KAZN: variants seen among roughly 807,000 people sequenced by gnomAD.
KAZN encodes the protein kazrin.
A neutral mutation model predicts 87.4 loss-of-function variants in KAZN; 40 were observed. The observed-to-expected ratio is 0.46, with a 90% CI of 0.36 to 0.60. The LOEUF is 0.60. Ranked by LOEUF, KAZN falls within the 20% of genes least tolerant of loss-of-function variation. The probability of loss-of-function intolerance (pLI) is 0.00; values close to 1 mark genes in which losing one functional copy is unlikely to be tolerated. For synonymous variants in KAZN, 466 were observed against 458.3 expected (o/e 1.02, Z -0.22); for missense variants, 898 against 1,073.9 (o/e 0.84, Z 2.29).
intron 2 of KAZN, among the ~76,000 whole-genome samples, chr1:14,586,636 C>CCCT (rs1675868283): frequency 6.6e-6 from 1 of 151,004 alleles, no homozygotes; most frequent in South Asian, 2.1e-4. Context: ...ACTCAAGTGA[C>CCCT]CCTCCGGCTT....
At chr1:14,418,324 C>G (rs1665007218) in intron 2 of KAZN, among the ~76,000 whole-genome samples, 1 of 152,162 alleles carries the variant, frequency 6.6e-6, no homozygotes, top group African/African-American at 2.4e-5. Flanking sequence ...CCAGGAAAGT[C>G]TCAAGCCATG....
chr1:14,127,399 GTT>G (rs574276908), intron 1 of KAZN, among the ~76,000 whole-genome samples: 4 of 47,688 alleles, frequency 8.4e-5, no homozygotes, highest in Admixed American at 2.3e-4. Flanking sequence ...CTTTACTGTT[GTT>G]TTTTTTTTTT....
intron 8 of KAZN, among the ~76,000 whole-genome samples, chr1:15,078,208 A>G (rs1639843360): frequency 6.6e-6 from 1 of 152,080 alleles, no homozygotes; most frequent in South Asian, 2.1e-4. Flanking sequence ...TGAGGCTGGG[A>G]GTTCGAGACC....
intron 1 of KAZN, among the ~76,000 whole-genome samples, chr1:14,686,384 C>T (rs1420043918): frequency 6.6e-6 from 1 of 152,206 alleles, no homozygotes; most frequent in African/African-American, 2.4e-5. Context: ...TCTTGAAGAT[C>T]GTACTGGAAT....
intron 1 of KAZN, among the ~76,000 whole-genome samples, chr1:14,822,852 G>A (rs1646775134): frequency 6.6e-6 from 1 of 152,176 alleles, no homozygotes; most frequent in Non-Finnish European, 1.5e-5. Context: ...ATCCTAGAGA[G>A]GGCTGCTTTT....
intron 1 of KAZN, among the ~76,000 whole-genome samples, chr1:14,714,870 C>T (rs1319960093): frequency 2.1e-5 from 3 of 145,672 alleles, no homozygotes; most frequent in South Asian, 2.2e-4. Context: ...TCACAGTTCA[C>T]CGCAGCCTTG....
At chr1:14,925,010 T>C (rs771882921) in intron 1 of KAZN, among the ~76,000 whole-genome samples, 11 of 152,350 alleles carry the variant, frequency 7.2e-5, no homozygotes, top group Non-Finnish European at 1.2e-4. Flanking sequence ...CGAGGCGAAA[T>C]TGATGCCTCG....
intron 2 of KAZN, among the ~76,000 whole-genome samples, chr1:14,450,809 G>A (rs554700578): frequency 8.5e-5 from 13 of 152,220 alleles, no homozygotes; most frequent in Admixed American, 3.9e-4. Context: ...ATATAGTTTG[G>A]ATGTCATCCC....
intron 1 of KAZN, among the ~76,000 whole-genome samples, chr1:13,984,419 C>T (rs1638912976): frequency 6.6e-6 from 1 of 152,168 alleles, no homozygotes; most frequent in African/African-American, 2.4e-5. Flanking sequence ...ATATGTTGTG[C>T]ATTGAAGTGT....
intron 2 of KAZN, among the ~76,000 whole-genome samples, chr1:14,240,718 C>G (rs1053422683): frequency 5.3e-5 from 8 of 152,094 alleles, no homozygotes; most frequent in Admixed American, 2.0e-4. Context: ...AATCTGGGAT[C>G]TCAAAATTCT....
At chr1:14,598,559 G>T (rs1334819515), upstream of KAZN, 16 of 575,260 alleles carry the variant, frequency 2.8e-5, no homozygotes, top group Non-Finnish European at 3.3e-5. This position sits in a 1 kb window ranked among gnomAD's most constrained non-coding sequence, Gnocchi z 4.2. Context: ...CCCCCCGGGG[G>T]GTGTGTCTCC....
intron 1 of KAZN, among the ~76,000 whole-genome samples, chr1:14,821,220 A>G (rs1009222822): frequency 2.0e-5 from 3 of 152,120 alleles, no homozygotes; most frequent in Non-Finnish European, 4.4e-5. Flanking sequence ...GTGACTGAAT[A>G]TGGAGGAAGT....
chr1:14,099,307 A>G (rs890453567), intron 1 of KAZN, among the ~76,000 whole-genome samples: 1 of 152,270 alleles, frequency 6.6e-6, no homozygotes, highest in South Asian at 2.1e-4. Flanking sequence ...TCCTGTAACC[A>G]CATACCCCCA....
At chr1:14,834,224 T>C (rs1647146584) in intron 1 of KAZN, among the ~76,000 whole-genome samples, 1 of 151,836 alleles carries the variant, frequency 6.6e-6, no homozygotes, top group African/African-American at 2.4e-5. Flanking sequence ...TTAGTAGAGA[T>C]GGGGTTTCAC....
intron 2 of KAZN, among the ~76,000 whole-genome samples, chr1:14,322,765 A>G (rs1436056409): frequency 6.6e-6 from 1 of 152,166 alleles, no homozygotes; most frequent in Non-Finnish European, 1.5e-5. Flanking sequence ...AGCCATCACT[A>G]TCTTGTGTGG....
At chr1:14,209,256 T>C (rs1318325563) in intron 2 of KAZN, among the ~76,000 whole-genome samples, 2 of 152,234 alleles carry the variant, frequency 1.3e-5, no homozygotes, top group Non-Finnish European at 2.9e-5. Flanking sequence ...CTCCATTCCA[T>C]TGAGAAACCA....
chr1:15,085,810 A>C (rs978699230), intron 8 of KAZN, among the ~76,000 whole-genome samples: 22 of 152,232 alleles, frequency 1.4e-4, no homozygotes, highest in African/African-American at 5.1e-4. Flanking sequence ...GAAGGAGAGA[A>C]CCGAGAGAAT....
intron 1 of KAZN, among the ~76,000 whole-genome samples, chr1:14,910,001 C>T (rs1351482357): frequency 1.3e-5 from 2 of 151,990 alleles, no homozygotes; most frequent in African/African-American, 2.4e-5. Flanking sequence ...TATAGTGAGC[C>T]GAGACACTGT....
intron 2 of KAZN, among the ~76,000 whole-genome samples, chr1:14,240,560 G>A (rs1648846369): frequency 6.6e-6 from 1 of 152,204 alleles, no homozygotes; most frequent in South Asian, 2.1e-4. Flanking sequence ...AAATTAAGGG[G>A]TAACTGGGCT....
Sources: gnomAD v4.1 joint callset for allele counts (sites outside exome capture counted in the v4.1 genomes callset) on GRCh38, gnomAD v4.1.1 for gene constraint, Gnocchi (gnomAD v3.1) non-coding constraint, MANE v1.5 for transcripts, NCBI Gene and HGNC (gene_info 2026-07-23, HGNC 2026-07-21) for gene names.